The following SLC7A14 variants were observed in gnomAD, a reference collection of about 807,000 sequenced individuals.
The protein encoded by SLC7A14 is gamma-aminobutyric acid transporter SLC7A14.
SLC7A14 carries 37 observed loss-of-function variants against 60.2 expected under a neutral mutation model. The observed-to-expected ratio is 0.61, with a 90% CI of 0.47 to 0.81. The LOEUF is 0.81. SLC7A14 is among the 30% of genes least tolerant of loss of function. The probability of loss-of-function intolerance (pLI) is 0.00; values close to 1 mark genes in which losing one functional copy is unlikely to be tolerated. For synonymous variants in SLC7A14, 399 were observed against 395.8 expected, an observed-to-expected ratio of 1.01 and a Z score of -0.10; for missense variants, 886 against 982.7, an observed-to-expected ratio of 0.90 and a Z score of 1.32.
intron 1 of SLC7A14, among the ~76,000 whole-genome samples, chr3:170,546,162 A>T (rs1255094412): frequency 3.9e-5 from 6 of 152,224 alleles, no homozygotes; most frequent in African/African-American, 7.2e-5. Flanking sequence ...ATCTTATCTC[A>T]GCTGGAGATG....
At chr3:170,572,596 GTTTA>G (rs1714986904) in intron 1 of SLC7A14, among the ~76,000 whole-genome samples, 1 of 152,186 alleles carries the variant, frequency 6.6e-6, no homozygotes, top group Admixed American at 6.5e-5. Flanking sequence ...GGATCAGAGT[GTTTA>G]TTTATAACTG....
At chr3:170,495,292 G>A (rs1339208941) in intron 4 of SLC7A14, among the ~76,000 whole-genome samples, 1 of 152,186 alleles carries the variant, frequency 6.6e-6, no homozygotes, top group Non-Finnish European at 1.5e-5. Flanking sequence ...GTAAGTCCAT[G>A]ACCCAATAAT....
In SLC7A14 at chr3:170,586,018, GGCA is replaced by G. The variant is rs1560288851; in HGVS notation, c.-263_-261del. The stretch of plus-strand genomic sequence containing the variant: ...AGCTGGGATGGGAAGTGGTGGTGGC[GGCA>G]AAGGAAGGCAGGAGGCAGCCGCTGC... On this transcript the variant is annotated 5_prime_UTR_variant, in exon 1 of 8. Transcript: ENST00000231706. 6.5e-6 allele frequency: 1 copy of G among 153,092 alleles called. No individual in the cohort carries two copies. Among genetic ancestry groups the G allele is most frequent in the African/African-American group, 2.4e-5 (1 of 41,428 alleles). The allele number at this position is 153,092 out of a possible 1,614,324, so 9.5% of individuals were successfully genotyped here. A position where few individuals can be genotyped will look rare whatever the true frequency, so the allele number is the denominator to read the frequency against.
intron 1 of SLC7A14, among the ~76,000 whole-genome samples, chr3:170,573,156 G>T (rs935435188): frequency 6.6e-6 from 1 of 152,280 alleles, no homozygotes; most frequent in Middle Eastern, 3.4e-3. Flanking sequence ...TCAGAGCAAG[G>T]CCAGATCATA....
At chr3:170,515,759 A>G (rs531615849) in intron 2 of SLC7A14, among the ~76,000 whole-genome samples, 20 of 152,296 alleles carry the variant, frequency 1.3e-4, no homozygotes, top group Non-Finnish European at 2.6e-4. Flanking sequence ...AACTGAGATC[A>G]GGACATGTGA....
At position 170,501,089 on chromosome 3, in the gene SLC7A14, G is replaced by A; in HGVS notation, c.541+20C>T. Reference sequence around the variant, plus strand: ...TTGGTAAGTTTGCATGTTGAGGGTAGGAGGATGTGGCAGTCTCACCCAGGC... The same window carrying A: ...TTGGTAAGTTTGCATGTTGAGGGTAAGAGGATGTGGCAGTCTCACCCAGGC... On this transcript the variant is annotated intron_variant, in intron 3 of 7. Coordinates refer to ENST00000231706, the MANE Select transcript of SLC7A14 (RefSeq NM_020949.3). 7 of 1,611,292 alleles carry A rather than the reference G, an allele frequency of 4.3e-6. No individual in the cohort carries two copies. Among genetic ancestry groups the A allele is most frequent in the East Asian group, 4.5e-5 (2 of 44,876 alleles).
chr3:170,470,308 A>ATATGTGTGTGTGTG (rs372412774), intron 7 of SLC7A14, among the ~76,000 whole-genome samples: 3 of 143,698 alleles, frequency 2.1e-5, no homozygotes, highest in Non-Finnish European at 3.0e-5. Context: ...TGGAAGGAAC[A>ATATGTGTGTGTGTG]TGTGTGTGTG....
chr3:170,530,836 C>T lies in SLC7A14; in HGVS notation c.-152-3748G>A, dbSNP rs1177129849. ...TGCAGGAGGGAGAAAAATTGTCAGC[C>T]GGCTCCAGGAGAACCTCACAAGCTG... On this transcript the variant is annotated intron_variant, in intron 1 of 7. Coordinates refer to ENST00000231706, the MANE Select transcript of SLC7A14 (RefSeq NM_020949.3). 2.6e-5 allele frequency among the ~76,000 whole-genome samples: 4 copies of T among 152,260 alleles called. 1 individual carries two copies. The highest frequency in any genetic ancestry group is 2.0e-4 in the Admixed American group (3 of 15,300).
chr3:170,508,727 C>T (rs530561806), intron 2 of SLC7A14, among the ~76,000 whole-genome samples: 2 of 152,108 alleles, frequency 1.3e-5, no homozygotes, highest in African/African-American at 2.4e-5. Flanking sequence ...ATCTCTGTTC[C>T]GTTTATGCAG....
At chr3:170,550,729 C>T (rs1714325055) in intron 1 of SLC7A14, among the ~76,000 whole-genome samples, 1 of 151,676 alleles carries the variant, frequency 6.6e-6, no homozygotes, top group South Asian at 2.1e-4. Context: ...ACCATGTTGG[C>T]CAGGCTGGTC....
At chr3:170,473,546 G>T (rs2108265145) in intron 7 of SLC7A14, among the ~76,000 whole-genome samples, 1 of 152,324 alleles carries the variant, frequency 6.6e-6, no homozygotes, top group South Asian at 2.1e-4. Flanking sequence ...GAGGCACTTT[G>T]TTATGCCTAG....
At position 170,532,503 on chromosome 3, in the gene SLC7A14, G is replaced by A. The variant is rs114986710; in HGVS notation, c.-152-5415C>T. 1.1e-3 allele frequency among the ~76,000 whole-genome samples: 160 copies of A among 152,330 alleles called. 1 individual carries two copies. Among genetic ancestry groups the A allele is most frequent in the African/African-American group, 3.8e-3 (156 of 41,562 alleles). On this transcript the variant is annotated intron_variant, in intron 1 of 7. Coordinates refer to ENST00000231706, the MANE Select transcript of SLC7A14 (RefSeq NM_020949.3). The surrounding 1 kb of genome is among the most constrained non-coding windows in gnomAD (Gnocchi z 4.0). Reference sequence around the variant, plus strand: ...TGACCTTGGGCAAACCTCACTATGCGTCAGTTTTGCCATTTGTAAAATGGG... The same window carrying A: ...TGACCTTGGGCAAACCTCACTATGCATCAGTTTTGCCATTTGTAAAATGGG...
Position 170,517,031 on chromosome 3 carries a change from G to A in SLC7A14, c.304+9602C>T, listed in dbSNP as rs1052433493. Among the ~76,000 whole-genome samples, 11 of 152,090 alleles carry A rather than the reference G, an allele frequency of 7.2e-5. No individual in the cohort carries two copies. The South Asian group carries it at 8.3e-4, about 11-fold the overall frequency. ...AGTGTGAGGCACAGCAAAACTGCTT[G>A]TTTAGTTTTATGATGAATCATAAAA... On this transcript the variant is annotated intron_variant, in intron 2 of 7. Transcript: ENST00000231706.
At chr3:170,544,782 C>T (rs73879205) in intron 1 of SLC7A14, among the ~76,000 whole-genome samples, 2,868 of 152,258 alleles carry the variant, frequency 0.019, 88 homozygotes, top group African/African-American at 0.064. Flanking sequence ...TATTTTTAAC[C>T]ACTCCCAAGG....
chr3:170,576,525 T>G (rs1053650206), intron 1 of SLC7A14, among the ~76,000 whole-genome samples: 10 of 152,218 alleles, frequency 6.6e-5, no homozygotes, highest in African/African-American at 2.4e-4. Context: ...GACCCCATTG[T>G]TTTACTTATT....
At chr3:170,492,845 T>C (rs1311017255) in intron 4 of SLC7A14, among the ~76,000 whole-genome samples, 2 of 152,176 alleles carry the variant, frequency 1.3e-5, no homozygotes, top group African/African-American at 2.4e-5. Context: ...CTTTATGTTA[T>C]TCACTCTCTA....
intron 2 of SLC7A14, among the ~76,000 whole-genome samples, chr3:170,520,188 C>T (rs1255952494): frequency 6.6e-6 from 1 of 152,234 alleles, no homozygotes; most frequent in African/African-American, 2.4e-5. Flanking sequence ...AAGCAGGAGC[C>T]TTAAGCAAAG....
At chr3:170,478,896 G>C (rs1711719602) in intron 7 of SLC7A14, among the ~76,000 whole-genome samples, 1 of 151,986 alleles carries the variant, frequency 6.6e-6, no homozygotes, top group Non-Finnish European at 1.5e-5. Flanking sequence ...GGCTGAGGTG[G>C]GCAGATCATG....
chr3:170,505,275 C>T (rs1197107737), intron 2 of SLC7A14, among the ~76,000 whole-genome samples: 10 of 152,158 alleles, frequency 6.6e-5, no homozygotes, highest in Non-Finnish European at 1.0e-4. Context: ...AAATAACTGT[C>T]CTATATGAGT....
Sources: gnomAD v4.1 joint callset for allele counts (sites outside exome capture counted in the v4.1 genomes callset) on GRCh38, gnomAD v4.1.1 for gene constraint, Gnocchi (gnomAD v3.1) non-coding constraint, MANE v1.5 for transcripts, NCBI Gene and HGNC (gene_info 2026-07-23, HGNC 2026-07-21) for gene names.